Variants in SLC9A6 observed in about 807,000 individuals in gnomAD.
SLC9A6 encodes sodium/hydrogen exchanger 6.
SLC9A6 carries 6 observed loss-of-function variants against 45.3 expected under a neutral mutation model. The ratio of observed to expected loss-of-function variants is 0.13; its 90% CI spans 0.07 to 0.26. The LOEUF is 0.26. Among genes scored for constraint, SLC9A6 ranks in the 10% least tolerant of loss-of-function variants. SLC9A6 has a pLI of 1.00. For missense variants in SLC9A6, 278 were observed against 503.7 expected (o/e 0.55, Z 4.29); for synonymous variants, 191 against 187.7 (o/e 1.02, Z -0.14).
chrX:135,985,870 T>A lies in SLC9A6; in HGVS notation c.169+43T>A, dbSNP rs201846058. 41 of 1,196,447 alleles carry A rather than the reference T, an allele frequency of 3.4e-5. No individual in the cohort carries two copies. In the East Asian group the frequency reaches 1.1e-3, roughly 31 times the overall value. On this transcript the variant is annotated intron_variant, in intron 2 of 17. Transcript: ENST00000630721. ...TGTCAGCCCCTTGGCGCTGCCCCTT[T>A]CTCTGCCCGCCGGCTGCTTCGCCTC...
intron 3 of SLC9A6, among the ~76,000 whole-genome samples, chrX:135,995,236 A>G (rs2089481850): frequency 8.9e-6 from 1 of 112,348 alleles, no homozygotes; most frequent in Admixed American, 9.4e-5. Flanking sequence ...GTTGTGATAA[A>G]TGGAGACTGG....
At position 136,024,489 on chromosome X, in the gene SLC9A6, T is replaced by C. The variant is rs781963949; in HGVS notation, c.1460+6T>C. The C allele has an allele frequency of 7.1e-5, 85 of 1,193,798 alleles. No individual in the cohort carries two copies. The Admixed American group carries it at 1.7e-3, about 24-fold the overall frequency. On this transcript the variant is annotated splice_donor_region_variant and intron_variant, in intron 13 of 17. Transcript: ENST00000630721. ...CTGTCATGCTTGCATATCAGGTAAG[T>C]ACTAACTAGAGACCTCATTTTAAGA...
At chrX:135,998,989 G>A (rs782118119) in intron 6 of SLC9A6, 21 bp downstream of exon 6, 1 of 985,928 alleles carries the variant, frequency 1.0e-6, no homozygotes, top group Non-Finnish European at 1.4e-6. Context: ...TATGAGTGGA[G>A]TTTACATACT....
chrX:135,973,971 C>T (rs1556612965), upstream of SLC9A6: 1 of 1,049,230 alleles, frequency 9.5e-7, no homozygotes, highest in Non-Finnish European at 1.3e-6. Context: ...AAAGCGGGAG[C>T]TACGGGGAAG....
intron 11 of SLC9A6, among the ~76,000 whole-genome samples, chrX:136,021,718 G>A (rs140797230): frequency 0.016 from 1,764 of 111,632 alleles, 26 homozygotes; most frequent in African/African-American, 0.054. Flanking sequence ...ATAGAGACAG[G>A]TTTTTGCCAT....
chrX:135,981,318 C>A (rs927053656), upstream of SLC9A6, among the ~76,000 whole-genome samples: 2 of 110,934 alleles, frequency 1.8e-5, no homozygotes, highest in African/African-American at 3.3e-5. Context: ...TTTAAACCCT[C>A]AGATATCCTG....
At chrX:135,993,760 CAGCCTGGGCAACAGAGCA>C (rs1408766521) in intron 2 of SLC9A6, among the ~76,000 whole-genome samples, 1 of 110,050 alleles carries the variant, frequency 9.1e-6, no homozygotes, top group Non-Finnish European at 1.9e-5. Context: ...CACTGCACTC[CAGCCTGGGCAACAGAGCA>C]AAATTTCGTC....
At chrX:136,044,402 GTC>G (rs1556623169) in intron 17 of SLC9A6, 48 bp from the exon 18 acceptor site, 2 of 1,095,837 alleles carry the variant, frequency 1.8e-6, no homozygotes, top group Non-Finnish European at 2.5e-6. Flanking sequence ...TATTGGAAAT[GTC>G]TCTTGAACTT....
In SLC9A6 at chrX:135,998,557, G is replaced by A; in HGVS notation, c.523G>A (p.Gly175Arg). Residue 175 changes from glycine (G) to arginine (R), a missense_variant and splice_region_variant, in exon 5 of 18, where the codon GGG becomes AGG. Physicochemically the swap from Gly to Arg is moderately radical, Grantham distance 125. Transcript: ENST00000630721. Reference sequence around the variant, plus strand: ...AACAGCAATTTCTTGTTTCGTTATTGGGTAAGTATTTTAAGCTTAAAATAC... The same window carrying A: ...AACAGCAATTTCTTGTTTCGTTATTAGGTAAGTATTTTAAGCTTAAAATAC... The part of the protein sequence containing the change: ...LGTAISCFVI[G>R]SIMYGCVTLM... 1 of 1,152,672 alleles carries A rather than the reference G, an allele frequency of 8.7e-7. No individual in the cohort carries two copies. The highest frequency in any genetic ancestry group is 1.2e-6 in the Non-Finnish European group (1 of 850,326). The allele number at this position is 1,152,672 out of a possible 1,213,427, so 95.0% of individuals were successfully genotyped here.
chrX:135,979,177 C>T (rs1166904219), intron 1 of SLC9A6, among the ~76,000 whole-genome samples: 2 of 111,128 alleles, frequency 1.8e-5, no homozygotes, highest in Non-Finnish European at 3.8e-5. Flanking sequence ...AGGGCCTAGA[C>T]GGGACCCCTG....
chrX:136,014,689 C>T (rs963416169), intron 10 of SLC9A6, among the ~76,000 whole-genome samples: 8 of 112,724 alleles, frequency 7.1e-5, no homozygotes, highest in Non-Finnish European at 1.5e-4. Context: ...CGCTTGAACC[C>T]GGAAGGCGGA....
upstream of SLC9A6, chrX:135,973,926 G>A: frequency 8.8e-7 from 1 of 1,138,060 alleles, no homozygotes; most frequent in Admixed American, 2.7e-5. Context: ...TCTCTAGGAG[G>A]GCCGGAGCCC....
chrX:135,988,453 CTCTTTTCTTTCTTTCTT>C (rs1198104827), intron 2 of SLC9A6, among the ~76,000 whole-genome samples: 12 of 107,068 alleles, frequency 1.1e-4, no homozygotes, highest in East Asian at 8.7e-4. Context: ...TTCTTTCTCT[CTCTTTTCTTTCTTTCTT>C]TCTTTTCTTT....
At chrX:136,018,916 A>C (rs1376301589) in intron 11 of SLC9A6, among the ~76,000 whole-genome samples, 1 of 111,320 alleles carries the variant, frequency 9.0e-6, no homozygotes, top group Non-Finnish European at 1.9e-5. Flanking sequence ...ACTGTTAATA[A>C]GAGAAGTTCT....
chrX:136,029,837 T>A (rs1337400052), intron 14 of SLC9A6: 2 of 329,570 alleles, frequency 6.1e-6, no homozygotes, highest in African/African-American at 5.3e-5. Context: ...TCTCCCTGAT[T>A]CCGCTTCGAG....
chrX:135,979,858 C>G (rs2089278562), intron 1 of SLC9A6, among the ~76,000 whole-genome samples: 1 of 111,780 alleles, frequency 8.9e-6, no homozygotes, highest in Admixed American at 9.5e-5. Context: ...CTCCACCTCC[C>G]AGGTCCAAGC....
At chrX:136,012,139 T>C (rs1373961436) in intron 8 of SLC9A6, among the ~76,000 whole-genome samples, 1 of 113,119 alleles carries the variant, frequency 8.8e-6, no homozygotes, top group African/African-American at 3.2e-5. Context: ...ACTTCTATGA[T>C]ACTTGTATAA....
At chrX:135,974,801 G>C in intron 1 of SLC9A6, 1 of 317,372 alleles carries the variant, frequency 3.2e-6, no homozygotes, top group Non-Finnish European at 6.4e-6. Flanking sequence ...AGAAAGATTC[G>C]CGCAAAAAGA....
chrX:136,015,620 A>T (rs1569524990), intron 10 of SLC9A6, among the ~76,000 whole-genome samples: 1 of 112,363 alleles, frequency 8.9e-6, no homozygotes, highest in African/African-American at 3.2e-5. Flanking sequence ...GACACACGGT[A>T]AAAACTGAAA....
Sources: allele counts gnomAD v4.1 joint callset (sites outside exome capture counted in the v4.1 genomes callset), GRCh38; gene constraint gnomAD v4.1.1; transcripts MANE v1.5; gene names NCBI Gene and HGNC (gene_info 2026-07-23, HGNC 2026-07-21).